Variants in TRAPPC9 observed in about 807,000 individuals in gnomAD.
TRAPPC9 encodes the protein trafficking protein particle complex subunit 9, also known as IKK2 binding protein.
Under a neutral mutation model 124.0 loss-of-function variants are expected in TRAPPC9, and 83 were observed. The ratio of observed to expected loss-of-function variants is 0.67; its 90% CI spans 0.56 to 0.80. The LOEUF (loss-of-function observed/expected upper bound fraction) is 0.80, where lower values mean the gene tolerates loss of function less well. Among genes scored for constraint, TRAPPC9 ranks in the 30% least tolerant of loss-of-function variants. TRAPPC9 has a pLI of 0.00. For missense variants in TRAPPC9, 1,302 were observed against 1,508.3 expected (o/e 0.86, Z 2.27); for synonymous variants, 638 against 617.5 (o/e 1.03, Z -0.49).
At chr8:139,941,105 G>A (rs1460404936) in intron 19 of TRAPPC9, among the ~76,000 whole-genome samples, 1 of 152,198 alleles carries the variant, frequency 6.6e-6, no homozygotes. Context: ...TGCCTGTCTG[G>A]GCCTCAGCTG....
intron 17 of TRAPPC9, among the ~76,000 whole-genome samples, chr8:140,162,306 C>A (rs2061764466): frequency 6.6e-6 from 1 of 152,158 alleles, no homozygotes; most frequent in Non-Finnish European, 1.5e-5. Context: ...TACTGAACTG[C>A]TCGTGTTTGC....
At chr8:140,456,269 G>A (rs1278840204) in intron 1 of TRAPPC9, among the ~76,000 whole-genome samples, 2 of 151,982 alleles carry the variant, frequency 1.3e-5, no homozygotes, top group African/African-American at 2.4e-5. Context: ...AAATGTAGCC[G>A]GGCATGGTGG....
intron 15 of TRAPPC9, among the ~76,000 whole-genome samples, chr8:140,273,171 T>G (rs73714847): frequency 0.056 from 8,603 of 152,266 alleles, 346 homozygotes; most frequent in African/African-American, 0.1. Flanking sequence ...GAGGTCTCAG[T>G]TGCCGCTCCT....
Position 140,300,561 on chromosome 8 carries a change from C to CT in TRAPPC9, c.1675dup (p.Ser559LysfsTer42). On this transcript the variant is annotated frameshift_variant, in exon 11 of 23. Transcript: ENST00000438773. LOFTEE classifies it high-confidence loss of function. ...GGTTGACACGTTCTGACCCAGCAAG[C>CT]TTTTCATTTTGTGTGGCCGGAGGCT... 6.2e-7 allele frequency: 1 copy of CT among 1,614,224 alleles called. No homozygotes were observed. The highest frequency in any genetic ancestry group is 1.1e-5 in the South Asian group (1 of 91,088).
chr8:140,263,980 C>T (rs186352467), intron 15 of TRAPPC9, among the ~76,000 whole-genome samples: 8 of 152,048 alleles, frequency 5.3e-5, no homozygotes, highest in Admixed American at 2.0e-4. Flanking sequence ...TCCTTTCCCC[C>T]GCTCCCCAAG....
chr8:139,791,950 G>A (rs1016276405), intron 21 of TRAPPC9, among the ~76,000 whole-genome samples: 21 of 152,174 alleles, frequency 1.4e-4, no homozygotes, highest in Non-Finnish European at 2.6e-4. Flanking sequence ...CCATCACTGC[G>A]TGGTCAGGCT....
intron 19 of TRAPPC9, among the ~76,000 whole-genome samples, chr8:139,975,521 C>G (rs1314667978): frequency 1.3e-5 from 2 of 152,206 alleles, no homozygotes; most frequent in Non-Finnish European, 2.9e-5. Context: ...CAGGTGAAAA[C>G]AGAGAAACCC....
intron 21 of TRAPPC9, among the ~76,000 whole-genome samples, chr8:139,755,316 G>A (rs1334189690): frequency 2.0e-5 from 3 of 151,602 alleles, no homozygotes; most frequent in East Asian, 3.9e-4. Flanking sequence ...GATGAGGACA[G>A]CAGGTCGCAG....
At chr8:139,836,559 C>T (rs1826367782) in intron 21 of TRAPPC9, among the ~76,000 whole-genome samples, 1 of 152,234 alleles carries the variant, frequency 6.6e-6, no homozygotes, top group Non-Finnish European at 1.5e-5. Flanking sequence ...TGCAGCAATG[C>T]AGATGCTGCC....
chr8:139,889,919 T>A (rs1347128078), intron 20 of TRAPPC9, among the ~76,000 whole-genome samples: 2 of 152,130 alleles, frequency 1.3e-5, no homozygotes, highest in Admixed American at 6.5e-5. Context: ...AGTGGCCATT[T>A]CCTCCCTCAG....
At chr8:140,262,255 C>T (rs117055226) in intron 15 of TRAPPC9, among the ~76,000 whole-genome samples, 2,272 of 151,890 alleles carry the variant, frequency 0.015, 20 homozygotes, top group Non-Finnish European at 0.024. Flanking sequence ...CGTGACATAC[C>T]AAAGACCCCA....
intron 21 of TRAPPC9, among the ~76,000 whole-genome samples, chr8:139,878,110 A>G (rs1447954523): frequency 2.0e-5 from 3 of 152,250 alleles, no homozygotes; most frequent in Admixed American, 2.0e-4. Context: ...AATAGCAAAC[A>G]TTCTGAAGCA....
chr8:140,427,446 T>C (rs1421952890), intron 4 of TRAPPC9, among the ~76,000 whole-genome samples: 2 of 151,986 alleles, frequency 1.3e-5, no homozygotes, highest in Non-Finnish European at 2.9e-5. Context: ...AAGTTAAAGA[T>C]TTCCAGCTTT....
intron 21 of TRAPPC9, among the ~76,000 whole-genome samples, chr8:139,826,725 CG>C: frequency 6.6e-6 from 1 of 152,126 alleles, no homozygotes; most frequent in Non-Finnish European, 1.5e-5. Flanking sequence ...CTGGGGACGC[CG>C]GGGGAAAAGC....
intron 21 of TRAPPC9, among the ~76,000 whole-genome samples, chr8:139,736,124 G>C (rs1818149675): frequency 6.6e-6 from 1 of 152,218 alleles, no homozygotes; most frequent in Admixed American, 6.5e-5. Flanking sequence ...GAAGAGCAGA[G>C]AGGACCCAGC....
At chr8:140,190,346 TACTCGGGAGGCTG>T in intron 17 of TRAPPC9, among the ~76,000 whole-genome samples, 1 of 152,010 alleles carries the variant, frequency 6.6e-6, no homozygotes. Flanking sequence ...TAATCCCAGC[TACTCGGGAGGCTG>T]AGGCAGGAGA....
intron 9 of TRAPPC9, among the ~76,000 whole-genome samples, chr8:140,330,027 C>G (rs935543042): frequency 6.6e-6 from 1 of 151,956 alleles, no homozygotes. Flanking sequence ...TGCAGGGAGC[C>G]GAGATTGCGC....
Position 139,826,486 on chromosome 8 carries a change from A to G in TRAPPC9, c.3055+59393T>C, listed in dbSNP as rs1381002304. On this transcript the variant is annotated intron_variant, in intron 21 of 22. Coordinates refer to ENST00000438773, the MANE Select transcript of TRAPPC9 (RefSeq NM_001160372.4). ...CCCGCAGGGTCGGTGCCTGGGGGGAACAGAGACCCCTGTGAGTGGCACCAA... is the reference window on the plus strand; with the variant it reads ...CCCGCAGGGTCGGTGCCTGGGGGGAGCAGAGACCCCTGTGAGTGGCACCAA... Among the ~76,000 whole-genome samples the G allele has an allele frequency of 4.0e-5, 6 of 151,868 alleles. No homozygotes were observed. In the East Asian group the frequency reaches 9.7e-4, roughly 25 times the overall value.
At chr8:140,186,817 G>C (rs1014244374) in intron 17 of TRAPPC9, among the ~76,000 whole-genome samples, 2 of 152,094 alleles carry the variant, frequency 1.3e-5, no homozygotes, top group Non-Finnish European at 2.9e-5. Flanking sequence ...AGAATCATCA[G>C]GTCTTCTTAA....
Sources: allele counts gnomAD v4.1 joint callset (sites outside exome capture counted in the v4.1 genomes callset), GRCh38; gene constraint gnomAD v4.1.1; transcripts MANE v1.5; gene names NCBI Gene and HGNC (gene_info 2026-07-23, HGNC 2026-07-21).